Variants in RUFY1 observed in about 807,000 individuals in gnomAD.
RUFY1 encodes RUN and FYVE domain containing 1.
Under a neutral mutation model 94.6 loss-of-function variants are expected in RUFY1, and 54 were observed. The observed-to-expected ratio is 0.57, with a 90% CI of 0.46 to 0.72. The LOEUF (loss-of-function observed/expected upper bound fraction) is 0.72. RUFY1 is among the 30% of genes least tolerant of loss of function. RUFY1 has a pLI of 0.00. For missense variants in RUFY1, 883 were observed against 883.9 expected, an observed-to-expected ratio of 1.00 and a Z score of 0.01; for synonymous variants, 396 against 347.3, an observed-to-expected ratio of 1.14 and a Z score of -1.56.
intron 2 of RUFY1, among the ~76,000 whole-genome samples, chr5:179,560,910 T>C (rs898848359): frequency 3.9e-5 from 6 of 152,040 alleles, no homozygotes; most frequent in African/African-American, 1.4e-4. Context: ...ACATATTCAA[T>C]ATTTAAAAGC....
At chr5:179,606,180 A>C in intron 16 of RUFY1, 1 of 552,284 alleles carries the variant, frequency 1.8e-6, no homozygotes, top group South Asian at 2.2e-5. Flanking sequence ...AATAGGCCTG[A>C]TGGGCATTCC....
chr5:179,604,882 G>A (rs1766883836), intron 15 of RUFY1, among the ~76,000 whole-genome samples: 1 of 151,802 alleles, frequency 6.6e-6, no homozygotes, highest in African/African-American at 2.4e-5. Flanking sequence ...TACTTGGGAA[G>A]CTGAGGCAGG....
intron 12 of RUFY1, chr5:179,596,136 G>C (rs142427162): frequency 1.1e-5 from 3 of 266,146 alleles, no homozygotes; most frequent in Non-Finnish European, 2.2e-5. Flanking sequence ...ACGTCTGTGC[G>C]GTGAAGTATG....
chr5:179,568,224 CA>C (rs1762979042), intron 4 of RUFY1, among the ~76,000 whole-genome samples: 1 of 152,056 alleles, frequency 6.6e-6, no homozygotes, highest in Admixed American at 6.5e-5. Context: ...CCAGCCTGGG[CA>C]ACAGAGCAAG....
chr5:179,561,595 A>G (rs1413967521), intron 2 of RUFY1, among the ~76,000 whole-genome samples: 2 of 151,862 alleles, frequency 1.3e-5, no homozygotes, highest in Non-Finnish European at 2.9e-5. Flanking sequence ...AAAAAAAAAT[A>G]AATCCTTGAT....
At chr5:179,566,144 A>C (rs1762814525) in intron 3 of RUFY1, among the ~76,000 whole-genome samples, 1 of 152,138 alleles carries the variant, frequency 6.6e-6, no homozygotes, top group Non-Finnish European at 1.5e-5. Flanking sequence ...TCTCCAAAAA[A>C]AAAAAGAAAG....
At chr5:179,588,157 T>G (rs538515119) in intron 8 of RUFY1, among the ~76,000 whole-genome samples, 61 of 152,298 alleles carry the variant, frequency 4.0e-4, no homozygotes, top group African/African-American at 1.2e-3. Context: ...TTTCTTTTTT[T>G]GGGCACAGCA....
At chr5:179,564,427 T>TC (rs1260162722) in intron 3 of RUFY1, among the ~76,000 whole-genome samples, 3 of 150,884 alleles carry the variant, frequency 2.0e-5, no homozygotes, top group Admixed American at 1.3e-4. Context: ...GCTGTTTTTT[T>TC]TTTTTTTTTT....
At chr5:179,593,413 AC>A in intron 10 of RUFY1, 64 bp from the exon 11 acceptor site, 1 of 1,540,834 alleles carries the variant, frequency 6.5e-7, no homozygotes, top group Non-Finnish European at 8.9e-7. Flanking sequence ...CTGAGATTCA[AC>A]CCCAGTTAAA....
intron 15 of RUFY1, chr5:179,603,544 C>T (rs1336173849): frequency 6.5e-6 from 1 of 152,722 alleles, no homozygotes. Context: ...GGACGCAAGG[C>T]CCAGTGTCTG....
intron 17 of RUFY1, chr5:179,608,267 G>C: frequency 1.0e-6 from 1 of 987,566 alleles, no homozygotes; most frequent in African/African-American, 1.7e-5. Context: ...GCCATGTTCT[G>C]TCTGTTCCCA....
In RUFY1 at chr5:179,557,779, G is replaced by A. The variant is rs146879311; in HGVS notation, c.311-2246G>A. ...TAAATTTAGGACACCCAAGCAGAGG[G>A]TTAGAGACCACCCCTCTGCCCCAAG... On this transcript the variant is annotated intron_variant, in intron 1 of 17. Coordinates refer to ENST00000319449, the MANE Select transcript of RUFY1 (RefSeq NM_025158.5). Among the ~76,000 whole-genome samples, 296 of 152,170 alleles carry A rather than the reference G, an allele frequency of 1.9e-3. 4 individuals are homozygous for A. Among genetic ancestry groups the A allele is most frequent in the African/African-American group, 6.7e-3 (277 of 41,518 alleles).
chr5:179,596,657 A>G lies in RUFY1; in HGVS notation c.1607A>G (p.Gln536Arg). Residue 536 changes from glutamine to arginine, a missense_variant, in exon 13 of 18, where the codon CAG becomes CGG. Physicochemically the swap from Gln to Arg is conservative, Grantham distance 43. Coordinates refer to ENST00000319449, the MANE Select transcript of RUFY1 (RefSeq NM_025158.5). ...GGGAGGATCGGCGCCCTGCAGCTGC[A>G]GCTCTCCCAGCTGCACGAGCAATGG... is the stretch of plus-strand genomic sequence containing the variant. ...LGGRIGALQL[Q>R]LSQLHEQCSS... is the part of the protein sequence containing the mutation. 1.2e-6 allele frequency: 2 copies of G among 1,606,316 alleles called. No homozygotes were observed. The highest frequency in any genetic ancestry group is 1.1e-5 in the South Asian group (1 of 90,296).
rs1390109995 is a variant in RUFY1, at chr5:179,609,423, C to G, written c.2031C>G (p.Ser677Arg). 30 of 1,613,326 alleles carry G rather than the reference C, an allele frequency of 1.9e-5. No individual in the cohort carries two copies. The highest frequency in any genetic ancestry group is 2.5e-5 in the Non-Finnish European group (30 of 1,179,806). The change falls in exon 18 of 18, where the codon AGC becomes AGG. Residue 677 changes from serine to arginine, a missense_variant. Ser to Arg is a moderately radical substitution (Grantham distance 110, BLOSUM62 -1). Coordinates refer to ENST00000319449, the MANE Select transcript of RUFY1 (RefSeq NM_025158.5). ...CGHIFCNTCSSNELALPSYPK... is the reference protein window; with the variant it reads ...CGHIFCNTCSRNELALPSYPK... Reference sequence around the variant, plus strand: ...ACATCTTCTGCAACACCTGCTCCAGCAACGAGCTGGCCCTGCCCTCCTACC... The same window carrying G: ...ACATCTTCTGCAACACCTGCTCCAGGAACGAGCTGGCCCTGCCCTCCTACC...
chr5:179,585,718 C>G lies in RUFY1; in HGVS notation c.957-78C>G, dbSNP rs565352310. 1.0e-4 allele frequency: 108 copies of G among 1,045,526 alleles called. 1 individual carries two copies. The South Asian group carries it at 1.4e-3, about 14-fold the overall frequency. 64.8% of individuals were successfully genotyped at this position (1,045,526 alleles called of 1,614,324 possible). ...CATTTCATACAGGAAATCTAGGAAT[C>G]TCTCTTACTGTTTACAGATTGAGAA... On this transcript the variant is annotated intron_variant, in intron 7 of 17. Transcript: ENST00000319449.
chr5:179,559,954 C>T, intron 1 of RUFY1, 71 bp from the exon 2 acceptor site: 1 of 1,538,206 alleles, frequency 6.5e-7, no homozygotes. Flanking sequence ...CCCGTCTTCT[C>T]ACCGTTGCCC....
chr5:179,588,245 C>T (rs1163274292), intron 8 of RUFY1, among the ~76,000 whole-genome samples: 3 of 152,140 alleles, frequency 2.0e-5, no homozygotes, highest in Non-Finnish European at 4.4e-5. Context: ...ACACTGTTGA[C>T]AGAGAAAGTG....
At chr5:179,572,332 G>T in intron 5 of RUFY1, 1 of 193,466 alleles carries the variant, frequency 5.2e-6, no homozygotes, top group South Asian at 7.5e-5. Flanking sequence ...CGCATTCAGC[G>T]ACCATGCCGA....
chr5:179,609,452 A>G lies in RUFY1; in HGVS notation c.2060A>G (p.Lys687Arg). The change falls in exon 18 of 18, where the codon AAG becomes AGG. Residue 687 changes from lysine (K) to arginine (R), a missense_variant. Physicochemically the swap from Lys to Arg is conservative, Grantham distance 26 (BLOSUM62 2). Coordinates refer to ENST00000319449, the MANE Select transcript of RUFY1 (RefSeq NM_025158.5). ...SNELALPSYP[K>R]PVRVCDSCHT... is the part of the protein sequence containing the mutation. The stretch of plus-strand genomic sequence containing the variant: ...GAGCTGGCCCTGCCCTCCTACCCCA[A>G]GCCGGTGCGAGTGTGCGACAGCTGC... The G allele has an allele frequency of 1.9e-6, 3 of 1,612,598 alleles. No homozygotes were observed. The South Asian group carries it at 3.3e-5, about 18-fold the overall frequency.
Sources: allele counts gnomAD v4.1 joint callset (sites outside exome capture counted in the v4.1 genomes callset), GRCh38; gene constraint gnomAD v4.1.1; transcripts MANE v1.5; gene names NCBI Gene and HGNC (gene_info 2026-07-23, HGNC 2026-07-21).